Variants in IGSF23 observed in about 807,000 individuals in gnomAD.
IGSF23 encodes immunoglobulin superfamily member 23.
A neutral mutation model predicts 17.8 loss-of-function variants in IGSF23; 14 were observed. The ratio of observed to expected loss-of-function variants is 0.79; its 90% CI spans 0.52 to 1.23. The LOEUF is 1.23. Ranked by LOEUF, IGSF23 falls within the 50% of genes most tolerant of loss-of-function variation. The pLI, the probability that IGSF23 is intolerant of heterozygous loss-of-function variation, is 0.00. For missense variants in IGSF23, 214 were observed against 241.7 expected (o/e 0.89, Z 0.76); for synonymous variants, 85 against 92.5 (o/e 0.92, Z 0.46).
At chr19:44,620,047 G>C (rs1216244414) in intron 1 of IGSF23, among the ~76,000 whole-genome samples, 2 of 152,124 alleles carry the variant, frequency 1.3e-5, no homozygotes, top group East Asian at 3.9e-4. Context: ...AAGGCGGGCA[G>C]ATCACGAGTT....
intron 1 of IGSF23, 70 bp downstream of exon 1, chr19:44,613,840 G>C: frequency 2.6e-6 from 4 of 1,546,766 alleles, no homozygotes; most frequent in Non-Finnish European, 3.5e-6. Context: ...GGGTGAGGCC[G>C]GGGCTGCAGA....
intron 3 of IGSF23, among the ~76,000 whole-genome samples, chr19:44,628,796 G>T (rs1972708622): frequency 6.6e-6 from 1 of 152,146 alleles, no homozygotes; most frequent in Non-Finnish European, 1.5e-5. Flanking sequence ...TAGTATGTTG[G>T]ATGAGCGCTA....
At chr19:44,629,637 T>C (rs1209063856) in intron 3 of IGSF23, among the ~76,000 whole-genome samples, 2 of 146,392 alleles carry the variant, frequency 1.4e-5, no homozygotes, top group East Asian at 2.0e-4. Flanking sequence ...GCTTTCTTTT[T>C]TTTTTTTTTT....
At chr19:44,627,677 T>C in intron 3 of IGSF23, 104 bp downstream of exon 3, 2 of 1,309,138 alleles carry the variant, frequency 1.5e-6, no homozygotes, top group Non-Finnish European at 2.1e-6. Context: ...AACACCCCCA[T>C]CAGGGAGGGT....
At chr19:44,615,561 T>C (rs1424352971) in intron 1 of IGSF23, among the ~76,000 whole-genome samples, 2 of 151,516 alleles carry the variant, frequency 1.3e-5, no homozygotes, top group African/African-American at 4.9e-5. Context: ...AGGCGGAGGT[T>C]GCGGTTAGCT....
chr19:44,620,226 G>A (rs1016470271), intron 1 of IGSF23, among the ~76,000 whole-genome samples: 1 of 152,034 alleles, frequency 6.6e-6, no homozygotes, highest in African/African-American at 2.4e-5. Context: ...CCAAGACCAT[G>A]CCACTGCACA....
At chr19:44,624,237 CCTCCTT>C (rs1357099296) in intron 2 of IGSF23, among the ~76,000 whole-genome samples, 1 of 150,172 alleles carries the variant, frequency 6.7e-6, no homozygotes. Context: ...TCCTCCTCCT[CCTCCTT>C]CTTCTTCCTT....
At chr19:44,630,406 G>T (rs1048561042) in intron 3 of IGSF23, among the ~76,000 whole-genome samples, 1 of 152,346 alleles carries the variant, frequency 6.6e-6, no homozygotes, top group South Asian at 2.1e-4. Flanking sequence ...TAGAGCTAAC[G>T]CTCAGAAAAG....
intron 1 of IGSF23, among the ~76,000 whole-genome samples, chr19:44,617,879 C>T (rs1247103819): frequency 6.6e-6 from 1 of 152,208 alleles, no homozygotes; most frequent in Admixed American, 6.5e-5. Context: ...AACGTGCCCA[C>T]TGACAGAAAC....
At chr19:44,630,965 C>T (rs1030868884) in intron 3 of IGSF23, among the ~76,000 whole-genome samples, 1 of 151,892 alleles carries the variant, frequency 6.6e-6, no homozygotes, top group Admixed American at 6.6e-5. Context: ...ATCTGTAAAA[C>T]AGGAATATGG....
intron 1 of IGSF23, among the ~76,000 whole-genome samples, chr19:44,619,819 T>TCA (rs1335901696): frequency 2.0e-5 from 3 of 152,200 alleles, no homozygotes; most frequent in African/African-American, 7.2e-5. Context: ...TCTAACTTAA[T>TCA]CACCTCGTTA....
At position 44,613,854 on chromosome 19, in the gene IGSF23, G is replaced by A. The variant is rs530246541; in HGVS notation, c.125+84G>A. On this transcript the variant is annotated intron_variant, in intron 1 of 4. Coordinates refer to ENST00000402988, the MANE Select transcript of IGSF23 (RefSeq NM_001205280.2). ...AGGGTGAGGCCGGGGCTGCAGACGC[G>A]ACTGTACAGGTCTATGAAGACCCCA... 6.8e-5 allele frequency: 106 copies of A among 1,547,570 alleles called. No homozygotes were observed. The East Asian group carries it at 1.2e-3, about 18-fold the overall frequency.
chr19:44,620,630 G>T (rs1972497789), intron 1 of IGSF23: 1 of 152,310 alleles, frequency 6.6e-6, no homozygotes, highest in African/African-American at 2.4e-5. Flanking sequence ...GCCTCCCAAA[G>T]TGCTGGGATT....
intron 1 of IGSF23, among the ~76,000 whole-genome samples, chr19:44,614,651 C>T (rs969465373): frequency 2.6e-5 from 4 of 152,064 alleles, no homozygotes; most frequent in African/African-American, 4.8e-5. Flanking sequence ...AGGCTAGTCT[C>T]GAACTCCTGG....
rs936996962 is a variant in IGSF23, at chr19:44,634,031, C to T, written c.546-1370C>T. Among the ~76,000 whole-genome samples the T allele has an allele frequency of 2.3e-4, 35 of 152,192 alleles. 1 individual carries two copies. Among genetic ancestry groups the T allele is most frequent in the Admixed American group, 1.8e-3 (27 of 15,278 alleles). On this transcript the variant is annotated intron_variant, in intron 3 of 4. Coordinates refer to ENST00000402988, the MANE Select transcript of IGSF23 (RefSeq NM_001205280.2). ...TTCCTAAAAGTAATCCTATTGTCCC[C>T]GCTAACAAGGGTCCACAGACTCCTG... is the stretch of plus-strand genomic sequence containing the variant.
intron 1 of IGSF23, chr19:44,618,206 G>A (rs199837758): frequency 3.9e-4 from 185 of 470,834 alleles, no homozygotes; most frequent in Non-Finnish European, 5.6e-4. Flanking sequence ...TTCTCACCAC[G>A]TCTTGGTTCT....
At chr19:44,614,961 T>C (rs1319736002) in intron 1 of IGSF23, among the ~76,000 whole-genome samples, 1 of 152,126 alleles carries the variant, frequency 6.6e-6, no homozygotes, top group Non-Finnish European at 1.5e-5. Flanking sequence ...GCCTCTCAGA[T>C]AGTGAATGAA....
At chr19:44,621,875 C>T (rs962638343) in intron 1 of IGSF23, among the ~76,000 whole-genome samples, 23 of 152,102 alleles carry the variant, frequency 1.5e-4, no homozygotes, top group Admixed American at 1.4e-3. Context: ...GCATGGGTCT[C>T]GCATGCAGTA....
At chr19:44,633,849 A>G (rs1010105851) in intron 3 of IGSF23, among the ~76,000 whole-genome samples, 2 of 152,062 alleles carry the variant, frequency 1.3e-5, no homozygotes, top group Non-Finnish European at 2.9e-5. Context: ...ACTTTTCCCC[A>G]TTCCCACATA....
Sources: gnomAD v4.1 joint callset for allele counts (sites outside exome capture counted in the v4.1 genomes callset) on GRCh38, gnomAD v4.1.1 for gene constraint, MANE v1.5 for transcripts, NCBI Gene and HGNC (gene_info 2026-07-23, HGNC 2026-07-21) for gene names.